WDR26: variants seen among roughly 807,000 people sequenced by gnomAD.
WDR26 encodes the protein WD repeat domain 26.
WDR26 carries 5 observed loss-of-function variants against 84.1 expected under a neutral mutation model. The ratio of observed to expected loss-of-function variants is 0.06; its 90% CI spans 0.03 to 0.13. The LOEUF (loss-of-function observed/expected upper bound fraction) is 0.13. Among genes scored for constraint, WDR26 ranks in the 10% least tolerant of loss-of-function variants. WDR26 has a pLI of 1.00. For missense variants in WDR26, 642 were observed against 974.9 expected (o/e 0.66, Z 4.55); for synonymous variants, 415 against 389.6 (o/e 1.07, Z -0.77).
chr1:224,408,226 T>C (rs573307669), intron 7 of WDR26, among the ~76,000 whole-genome samples: 37 of 152,350 alleles, frequency 2.4e-4, no homozygotes, highest in African/African-American at 8.7e-4. Context: ...CCCAAGGGCC[T>C]ATCCTAACTA....
intron 3 of WDR26, among the ~76,000 whole-genome samples, chr1:224,425,010 T>C (rs1572209766): frequency 6.6e-6 from 1 of 152,216 alleles, no homozygotes; most frequent in African/African-American, 2.4e-5. Context: ...ACTTGAAATT[T>C]GCTTTTTAAG....
chr1:224,422,656 G>A (rs1397402016), intron 4 of WDR26, among the ~76,000 whole-genome samples: 1 of 151,782 alleles, frequency 6.6e-6, no homozygotes, highest in Admixed American at 6.6e-5. Flanking sequence ...GAAGGCTGCA[G>A]TGAGCTGAGA....
rs1415858130 is a variant in WDR26 at position 224,400,932 on chromosome 1, G to A, written c.1719+18C>T. On this transcript the variant is annotated intron_variant, in intron 9 of 13. Transcript: ENST00000414423. ...TTTTAAACCAACAGATACTGGGAAG[G>A]GGGCACTGAATACTTACACACTGAT... The A allele has an allele frequency of 1.2e-6, 2 of 1,606,506 alleles. No individual in the cohort carries two copies. The highest frequency in any genetic ancestry group is 2.7e-5 in the African/African-American group (2 of 74,444).
chr1:224,423,783 T>C (rs771301958), intron 4 of WDR26, among the ~76,000 whole-genome samples: 2 of 152,134 alleles, frequency 1.3e-5, no homozygotes, highest in Non-Finnish European at 2.9e-5. Context: ...CCAGTAGATA[T>C]ACATATTGGG....
At chr1:224,408,499 CTTCT>C (rs1413720357) in intron 7 of WDR26, among the ~76,000 whole-genome samples, 2 of 152,152 alleles carry the variant, frequency 1.3e-5, no homozygotes, top group African/African-American at 4.8e-5. Context: ...GTATTACTAC[CTTCT>C]TTTTCATATA....
At chr1:224,427,089 G>A (rs1394856015) in intron 3 of WDR26, among the ~76,000 whole-genome samples, 6 of 109,476 alleles carry the variant, frequency 5.5e-5, no homozygotes, top group African/African-American at 2.5e-4. Context: ...GGCAACGAGA[G>A]CAAAACTCTG....
intron 5 of WDR26, 187 bp downstream of exon 5, chr1:224,419,331 C>T (rs1222499344): frequency 1.2e-4 from 68 of 547,064 alleles, no homozygotes; most frequent in East Asian, 1.2e-3. Context: ...GGAACCAGTG[C>T]CCTTTCACTG....
intron 6 of WDR26, among the ~76,000 whole-genome samples, chr1:224,414,471 C>CATTTTAATCAGAATA (rs145934561): frequency 0.28 from 42,868 of 151,120 alleles, 7,632 homozygotes; most frequent in African/African-American, 0.5. Context: ...CAGAATAATT[C>CATTTTAATCAGAATA]ATTTTAATCA....
intron 3 of WDR26, among the ~76,000 whole-genome samples, chr1:224,426,314 T>C (rs1297233476): frequency 6.6e-6 from 1 of 152,220 alleles, no homozygotes; most frequent in African/African-American, 2.4e-5. Flanking sequence ...TGTAAGCTTA[T>C]AAAAGTGGTT....
In WDR26 at chr1:224,388,917, G is replaced by A. The variant is rs1222236603; in HGVS notation, c.*918C>T. On this transcript the variant is annotated 3_prime_UTR_variant, in exon 14 of 14. Transcript: ENST00000414423. ...CTTTTTGAATCTTGAATTTCTTCAA[G>A]ATCGGGTACTGATGTTCCTTCAGGA... 6.6e-6 allele frequency: 1 copy of A among 152,556 alleles called. No homozygotes were observed. Among genetic ancestry groups the A allele is most frequent in the Non-Finnish European group, 1.5e-5 (1 of 68,042 alleles). The allele number at this position is 152,556 out of a possible 1,614,324, so 9.5% of individuals were successfully genotyped here.
In WDR26 at chr1:224,389,865, A is replaced by C; in HGVS notation, c.2261-5T>G. ...TATCCATGCTACTGCATTCCTCTGA[A>C]TGAAGACAAGATGAAATGTATGGGG... is the stretch of plus-strand genomic sequence containing the variant. On this transcript the variant is annotated splice_region_variant and splice_polypyrimidine_tract_variant and intron_variant, in intron 13 of 13. Transcript: ENST00000414423. 1 of 896,412 alleles carries C rather than the reference A, an allele frequency of 1.1e-6. No homozygotes were observed. Among genetic ancestry groups the C allele is most frequent in the Non-Finnish European group, 1.6e-6 (1 of 638,886 alleles). 55.5% of individuals were successfully genotyped at this position (896,412 alleles called of 1,614,324 possible).
In WDR26 at chr1:224,434,703, G is replaced by GGCGGGCGGCA. The variant is rs1674560114; in HGVS notation, c.-308_-299dup. 9.4e-6 allele frequency: 9 copies of GGCGGGCGGCA among 953,978 alleles called. No homozygotes were observed. Among genetic ancestry groups the GGCGGGCGGCA allele is most frequent in the Non-Finnish European group, 1.1e-5 (9 of 802,448 alleles). The allele number at this position is 953,978 out of a possible 1,614,324, so 59.1% of individuals were successfully genotyped here. A position where few individuals can be genotyped will look rare whatever the true frequency, so the allele number is the denominator to read the frequency against. On this transcript the variant is annotated 5_prime_UTR_variant, in exon 1 of 14. Coordinates refer to ENST00000414423, the MANE Select transcript of WDR26 (RefSeq NM_001379403.1). ...CGGCAGTGGCTGCGGCGGCGGCGGC[G>GGCGGGCGGCA]GCGGGCGGCAGCGGAGGCAGCTGCC...
chr1:224,393,218 T>C (rs1431977193), intron 13 of WDR26, among the ~76,000 whole-genome samples: 1 of 152,216 alleles, frequency 6.6e-6, no homozygotes, highest in Non-Finnish European at 1.5e-5. Context: ...TGCAGTTTCC[T>C]TACCTCTAAA....
rs1385721963 is a variant in WDR26 at position 224,434,122 on chromosome 1, A to C, written c.284T>G (p.Leu95Arg). ...GGCCTGCATGATGCTGCCGCTGACCAGGCTGTGGCCGCTACTTCGGTGGGG... is the reference window on the plus strand; with the variant it reads ...GGCCTGCATGATGCTGCCGCTGACCCGGCTGTGGCCGCTACTTCGGTGGGG... The change falls in exon 1 of 14, where the codon CTG becomes CGG. Residue 95 changes from leucine (L) to arginine (R), a missense_variant. Physicochemically the swap from Leu to Arg is moderately radical, Grantham distance 102 (BLOSUM62 -2). Transcript: ENST00000414423. The C allele has an allele frequency of 2.8e-6, 4 of 1,425,214 alleles. No homozygotes were observed. In the African/African-American group the frequency reaches 4.3e-5, roughly 15 times the overall value. 88.3% of individuals were successfully genotyped at this position (1,425,214 alleles called of 1,614,324 possible). A position where few individuals can be genotyped will look rare whatever the true frequency, so the allele number is the denominator to read the frequency against.
intron 6 of WDR26, among the ~76,000 whole-genome samples, chr1:224,417,413 C>T (rs931097274): frequency 6.6e-6 from 1 of 152,192 alleles, no homozygotes; most frequent in Non-Finnish European, 1.5e-5. Flanking sequence ...AAAATTAAAG[C>T]TATGCTTTAG....
chr1:224,434,769 G>A lies in WDR26; in HGVS notation c.-364C>T, dbSNP rs1572230077. 3 of 986,336 alleles carry A rather than the reference G, an allele frequency of 3.0e-6. No homozygotes were observed. Among genetic ancestry groups the A allele is most frequent in the Non-Finnish European group, 3.6e-6 (3 of 830,306 alleles). 61.1% of individuals were successfully genotyped at this position (986,336 alleles called of 1,614,324 possible). A position where few individuals can be genotyped will look rare whatever the true frequency, so the allele number is the denominator to read the frequency against. On this transcript the variant is annotated 5_prime_UTR_variant, in exon 1 of 14. Coordinates refer to ENST00000414423, the MANE Select transcript of WDR26 (RefSeq NM_001379403.1). Reference sequence around the variant, plus strand: ...TCCGCTCCGCTCTGCTCCCTGGTGTGTTGATTCTTCCCCCAGCTGCTGCCT... The same window carrying A: ...TCCGCTCCGCTCTGCTCCCTGGTGTATTGATTCTTCCCCCAGCTGCTGCCT...
chr1:224,397,642 G>A (rs11810160), intron 12 of WDR26: 14,286 of 152,914 alleles, frequency 0.093, 2,119 homozygotes, highest in African/African-American at 0.31. Flanking sequence ...AAGAAATACT[G>A]AAGAACTAAC....
At chr1:224,419,742 C>T in intron 4 of WDR26, 127 bp from the exon 5 acceptor site, 1 of 672,614 alleles carries the variant, frequency 1.5e-6, no homozygotes, top group Non-Finnish European at 2.6e-6. Flanking sequence ...CTACAGTGGA[C>T]TCAATTCATT....
Position 224,391,097 on chromosome 1 carries a change from TATC to T in WDR26, c.2261-1240_2261-1238del, listed in dbSNP as rs1377397685. 1.7e-4 allele frequency among the ~76,000 whole-genome samples: 25 copies of T among 151,258 alleles called. No individual in the cohort carries two copies. In the East Asian group the frequency reaches 3.7e-3, roughly 22 times the overall value. On this transcript the variant is annotated intron_variant, in intron 13 of 13. Transcript: ENST00000414423. ...TTTTATGCATCCTTAAAAAAAAAAATATCATGCCTGTAATCCCAGTACTTTGGG... is the reference window on the plus strand; with the variant it reads ...TTTTATGCATCCTTAAAAAAAAAAATATGCCTGTAATCCCAGTACTTTGGG...
Sources: allele counts gnomAD v4.1 joint callset (sites outside exome capture counted in the v4.1 genomes callset), GRCh38; gene constraint gnomAD v4.1.1; transcripts MANE v1.5; gene names NCBI Gene and HGNC (gene_info 2026-07-23, HGNC 2026-07-21).